C12orf56: variants seen among roughly 807,000 people sequenced by gnomAD.
C12orf56 encodes the protein chromosome 12 open reading frame 56, also known as uncharacterized protein C12orf56.
A neutral mutation model predicts 69.9 loss-of-function variants in C12orf56; 71 were observed. That is an observed-to-expected ratio of 1.02 (90% CI 0.84 to 1.24). C12orf56 has a LOEUF of 1.24. C12orf56 is among the 50% of genes most tolerant of loss of function. The pLI, the probability that C12orf56 is intolerant of heterozygous loss-of-function variation, is 0.00. For synonymous variants in C12orf56, 276 were observed against 274.1 expected, an observed-to-expected ratio of 1.01 and a Z score of -0.07; for missense variants, 732 against 738.5, an observed-to-expected ratio of 0.99 and a Z score of 0.10.
Position 64,308,939 on chromosome 12 carries a change from AGAAG to A in C12orf56, c.968+3736_968+3739del, listed in dbSNP as rs1376361529. ...AAGAAAGAAAGAAAGAAAGAAAGAA[AGAAG>A]AAAGAAAGAAAGAAAGAAAGAAAGA... On this transcript the variant is annotated intron_variant, in intron 5 of 12. Transcript: ENST00000543942. Among the ~76,000 whole-genome samples the A allele has an allele frequency of 4.8e-3, 126 of 26,430 alleles. 1 individual carries two copies. Among genetic ancestry groups the A allele is most frequent in the African/African-American group, 0.012 (106 of 9,002 alleles). 17.3% of individuals were successfully genotyped at this position (26,430 alleles called of 152,430 possible).
intron 1 of C12orf56, among the ~76,000 whole-genome samples, chr12:64,386,399 T>TATATATATATATA (rs1555196189): frequency 7.4e-5 from 6 of 81,504 alleles, no homozygotes; most frequent in South Asian, 8.7e-4. Flanking sequence ...TATATATATA[T>TATATATATATATA]TTTTTTTTTT....
At chr12:64,368,154 C>T (rs1403644705) in intron 1 of C12orf56, among the ~76,000 whole-genome samples, 1 of 152,032 alleles carries the variant, frequency 6.6e-6, no homozygotes, top group Non-Finnish European at 1.5e-5. Flanking sequence ...GGCTGGGGTG[C>T]ATGCAGTAGC....
intron 12 of C12orf56, 42 bp downstream of exon 12, chr12:64,270,494 G>C (rs1339998156): frequency 1.4e-6 from 2 of 1,422,784 alleles, no homozygotes; most frequent in Non-Finnish European, 1.9e-6. Flanking sequence ...TCAGAAATGA[G>C]TGAAATCTTA....
intron 5 of C12orf56, among the ~76,000 whole-genome samples, chr12:64,310,732 T>A (rs906031093): frequency 6.6e-6 from 1 of 151,910 alleles, no homozygotes; most frequent in Non-Finnish European, 1.5e-5. Flanking sequence ...TATTTTTTTT[T>A]ATTATACTTT....
At chr12:64,293,998 A>G (rs2038331227) in intron 6 of C12orf56, among the ~76,000 whole-genome samples, 1 of 152,232 alleles carries the variant, frequency 6.6e-6, no homozygotes, top group South Asian at 2.1e-4. Context: ...ATCTTTAAAT[A>G]TGGGTGCATT....
At chr12:64,348,309 G>T (rs1156786077) in intron 2 of C12orf56, among the ~76,000 whole-genome samples, 1 of 152,002 alleles carries the variant, frequency 6.6e-6, no homozygotes, top group Non-Finnish European at 1.5e-5. Context: ...GGTATTATAT[G>T]GTTTTTCTGC....
At chr12:64,375,882 G>A (rs532151583) in intron 1 of C12orf56, among the ~76,000 whole-genome samples, 5 of 152,190 alleles carry the variant, frequency 3.3e-5, no homozygotes, top group East Asian at 1.9e-4. Flanking sequence ...TACAATCAGC[G>A]ACAACCAGCT....
intron 2 of C12orf56, among the ~76,000 whole-genome samples, chr12:64,350,424 C>T (rs2039207304): frequency 6.6e-6 from 1 of 152,156 alleles, no homozygotes; most frequent in Non-Finnish European, 1.5e-5. Context: ...TAAAAAAAAT[C>T]TATTTTCTTT....
intron 3 of C12orf56, among the ~76,000 whole-genome samples, chr12:64,328,695 AAAAAAAAAAAAATATATATATAT>A (rs1253515899): frequency 0.018 from 325 of 18,026 alleles, 3 homozygotes; most frequent in African/African-American, 0.055. Context: ...AAAAAAAAAA[AAAAAAAAAAAAATATATATATAT>A]ATATATATAT....
chr12:64,287,095 G>A (rs1383335229), intron 6 of C12orf56, among the ~76,000 whole-genome samples: 1 of 151,914 alleles, frequency 6.6e-6, no homozygotes, highest in Non-Finnish European at 1.5e-5. Flanking sequence ...AAATTAGCTG[G>A]GTTTGGTAGC....
At chr12:64,355,820 A>G (rs6581553) in intron 1 of C12orf56, 83,220 of 152,370 alleles carry the variant, frequency 0.55, 24,990 homozygotes, top group Non-Finnish European at 0.68. Context: ...CATCTCACAC[A>G]TGAGTGTGAA....
At chr12:64,299,946 A>G (rs931384809) in intron 6 of C12orf56, among the ~76,000 whole-genome samples, 8 of 152,176 alleles carry the variant, frequency 5.3e-5, no homozygotes, top group African/African-American at 1.9e-4. Context: ...TTTAGTCACT[A>G]GTCACATTCA....
intron 2 of C12orf56, among the ~76,000 whole-genome samples, chr12:64,334,572 G>A (rs1006444756): frequency 6.6e-6 from 1 of 152,062 alleles, no homozygotes; most frequent in Non-Finnish European, 1.5e-5. Flanking sequence ...GTATTGTTTA[G>A]GGAATAATGA....
intron 2 of C12orf56, among the ~76,000 whole-genome samples, chr12:64,333,979 G>A (rs1285569887): frequency 6.6e-6 from 1 of 152,206 alleles, no homozygotes; most frequent in Admixed American, 6.5e-5. Context: ...AAAAGAGCCT[G>A]AGTGTAGTGT....
At chr12:64,359,504 C>A (rs1482669980) in intron 1 of C12orf56, among the ~76,000 whole-genome samples, 1 of 152,064 alleles carries the variant, frequency 6.6e-6, no homozygotes, top group South Asian at 2.1e-4. Flanking sequence ...AAATAAAAAT[C>A]TCTGTTTAAA....
intron 12 of C12orf56, among the ~76,000 whole-genome samples, chr12:64,269,777 C>T (rs546145586): frequency 6.5e-4 from 99 of 151,828 alleles, no homozygotes; most frequent in South Asian, 1.9e-3. Context: ...TTAGTAGAGA[C>T]GGGGTTTCAC....
intron 12 of C12orf56, chr12:64,267,513 A>G: frequency 1.1e-5 from 6 of 535,218 alleles, no homozygotes; most frequent in Non-Finnish European, 2.0e-5. Context: ...GACCTAGAAA[A>G]TCTCTGACAT....
At chr12:64,323,928 G>T (rs2038804276) in intron 3 of C12orf56, among the ~76,000 whole-genome samples, 1 of 152,194 alleles carries the variant, frequency 6.6e-6, no homozygotes, top group Non-Finnish European at 1.5e-5. Context: ...GACTATGGGA[G>T]CATGTGGATG....
chr12:64,267,730 A>T (rs2037934138), intron 12 of C12orf56: 1 of 157,358 alleles, frequency 6.4e-6, no homozygotes, highest in African/African-American at 2.4e-5. Flanking sequence ...GACTTCAACC[A>T]TCCCCTTGGA....
Sources: allele counts gnomAD v4.1 joint callset (sites outside exome capture counted in the v4.1 genomes callset), GRCh38; gene constraint gnomAD v4.1.1; transcripts MANE v1.5; gene names NCBI Gene and HGNC (gene_info 2026-07-23, HGNC 2026-07-21).